Variants in SLC24A3 observed in about 807,000 individuals in gnomAD.
The protein encoded by SLC24A3 is solute carrier family 24 member 3, also known as sodium/potassium/calcium exchanger 3.
Under a neutral mutation model 75.8 loss-of-function variants are expected in SLC24A3, and 28 were observed. The ratio of observed to expected loss-of-function variants is 0.37; its 90% CI spans 0.27 to 0.51. The LOEUF (loss-of-function observed/expected upper bound fraction) is 0.51, where lower values mean the gene tolerates loss of function less well. SLC24A3 is among the 20% of genes least tolerant of loss of function. The pLI is 0.94. For synonymous variants in SLC24A3, 372 were observed against 334.1 expected, an observed-to-expected ratio of 1.11 and a Z score of -1.24; for missense variants, 663 against 847.8, an observed-to-expected ratio of 0.78 and a Z score of 2.71.
chr20:19,577,209 C>G (rs891605661), intron 3 of SLC24A3, among the ~76,000 whole-genome samples: 11 of 152,068 alleles, frequency 7.2e-5, no homozygotes, highest in Non-Finnish European at 1.5e-4. Context: ...AGCCCACCAC[C>G]ACGCGCAGCT....
chr20:19,233,689 C>A lies in SLC24A3; in HGVS notation c.142+20705C>A, dbSNP rs868437632. Among the ~76,000 whole-genome samples the A allele has an allele frequency of 1.1e-4, 16 of 152,316 alleles. No homozygotes were observed. In the South Asian group the frequency reaches 2.9e-3, roughly 28 times the overall value. ...TTTTCTGCTATGAAGGACGGTATAA[C>A]TTCATGATGCTCCTGCATCTTTGTA... On this transcript the variant is annotated intron_variant, in intron 1 of 16. Coordinates refer to ENST00000328041, the MANE Select transcript of SLC24A3 (RefSeq NM_020689.4).
At chr20:19,651,742 T>G (rs1427745811) in intron 6 of SLC24A3, among the ~76,000 whole-genome samples, 1 of 151,146 alleles carries the variant, frequency 6.6e-6, no homozygotes, top group Non-Finnish European at 1.5e-5. Context: ...GCGCCTGTAG[T>G]CCCAACTACT....
chr20:19,242,763 T>C (rs1381303925), intron 1 of SLC24A3, among the ~76,000 whole-genome samples: 3 of 152,114 alleles, frequency 2.0e-5, no homozygotes, highest in Non-Finnish European at 4.4e-5. Flanking sequence ...AATGTGCAAA[T>C]GGAGGCAAAA....
intron 2 of SLC24A3, among the ~76,000 whole-genome samples, chr20:19,496,353 G>A (rs1433893927): frequency 6.6e-6 from 1 of 152,220 alleles, no homozygotes; most frequent in Non-Finnish European, 1.5e-5. Context: ...GGGCTGTGGA[G>A]TGATGTGCAT....
intron 2 of SLC24A3, among the ~76,000 whole-genome samples, chr20:19,482,399 T>C (rs1281711163): frequency 6.6e-6 from 1 of 152,120 alleles, no homozygotes; most frequent in Admixed American, 6.6e-5. Flanking sequence ...CCTACTTTAC[T>C]CCAAATCTGC....
chr20:19,577,455 A>G (rs1453199746), intron 3 of SLC24A3, among the ~76,000 whole-genome samples: 2 of 152,208 alleles, frequency 1.3e-5, no homozygotes, highest in Non-Finnish European at 2.9e-5. Flanking sequence ...CATGCCAAGC[A>G]TCCCAGGCTC....
At chr20:19,439,455 A>G (rs963993047) in intron 2 of SLC24A3, among the ~76,000 whole-genome samples, 4 of 152,226 alleles carry the variant, frequency 2.6e-5, no homozygotes, top group Non-Finnish European at 2.9e-5. Context: ...AAACAAAACC[A>G]CAGATAGATT....
chr20:19,438,994 C>CG (rs754455814), intron 2 of SLC24A3, among the ~76,000 whole-genome samples: 12 of 152,218 alleles, frequency 7.9e-5, no homozygotes, highest in Non-Finnish European at 1.5e-4. Flanking sequence ...AGTGCATACC[C>CG]GGGGGAAGAA....
intron 3 of SLC24A3, among the ~76,000 whole-genome samples, chr20:19,520,688 G>A (rs1403202276): frequency 1.3e-5 from 2 of 151,988 alleles, no homozygotes; most frequent in East Asian, 1.9e-4. Flanking sequence ...CATGGTGAGG[G>A]TGCCCAGGGC....
intron 15 of SLC24A3, among the ~76,000 whole-genome samples, chr20:19,701,422 G>A (rs980618867): frequency 5.9e-5 from 9 of 152,114 alleles, no homozygotes; most frequent in Admixed American, 6.6e-5. Context: ...GCAAAGGGTG[G>A]AGATGGGAGA....
intron 1 of SLC24A3, among the ~76,000 whole-genome samples, chr20:19,243,044 A>G (rs1982377163): frequency 6.6e-6 from 1 of 152,182 alleles, no homozygotes; most frequent in Admixed American, 6.5e-5. Flanking sequence ...AAAATATGTA[A>G]GCAATAATAA....
chr20:19,304,135 G>A (rs775679941), intron 2 of SLC24A3, among the ~76,000 whole-genome samples: 5 of 152,202 alleles, frequency 3.3e-5, no homozygotes, highest in Admixed American at 1.3e-4. Context: ...TAAAAAGACC[G>A]TGATCATATC....
chr20:19,238,851 G>A (rs901152234), intron 1 of SLC24A3, among the ~76,000 whole-genome samples: 1 of 151,988 alleles, frequency 6.6e-6, no homozygotes, highest in African/African-American at 2.4e-5. Context: ...ATGATCATCA[G>A]TATTACTATT....
chr20:19,253,633 A>G (rs6106049), intron 1 of SLC24A3, among the ~76,000 whole-genome samples: 28,918 of 152,080 alleles, frequency 0.19, 4,233 homozygotes, highest in East Asian at 0.82. Context: ...GTGTGAAGTC[A>G]CCCCACTGTT....
chr20:19,230,086 G>C (rs893715751), intron 1 of SLC24A3, among the ~76,000 whole-genome samples: 1 of 149,518 alleles, frequency 6.7e-6, no homozygotes, highest in Non-Finnish European at 1.5e-5. Flanking sequence ...TAGAAGAATA[G>C]TGTTTTACTT....
intron 2 of SLC24A3, among the ~76,000 whole-genome samples, chr20:19,476,947 T>A (rs1324905948): frequency 6.6e-6 from 1 of 152,010 alleles, no homozygotes; most frequent in Non-Finnish European, 1.5e-5. Flanking sequence ...CAAATAATAA[T>A]GCAAGGAAGG....
intron 2 of SLC24A3, among the ~76,000 whole-genome samples, chr20:19,299,223 T>TGTGTGTGTGTGTG (rs1568582808): frequency 3.3e-5 from 5 of 151,414 alleles, no homozygotes; most frequent in South Asian, 2.1e-4. Flanking sequence ...TGTGTGTGTG[T>TGTGTGTGTGTGTG]TTTCATCTTG....
At chr20:19,458,724 C>T (rs76143866) in intron 2 of SLC24A3, among the ~76,000 whole-genome samples, 6,454 of 152,258 alleles carry the variant, frequency 0.042, 452 homozygotes, top group African/African-American at 0.15. Context: ...ATTTTATATA[C>T]ATCCCACATT....
At position 19,697,765 on chromosome 20, in the gene SLC24A3, G is replaced by T. The variant is rs183124854; in HGVS notation, c.1607-803G>T. Among the ~76,000 whole-genome samples the T allele has an allele frequency of 2.6e-5, 4 of 152,318 alleles. No homozygotes were observed. The East Asian group carries it at 7.7e-4, about 29-fold the overall frequency. On this transcript the variant is annotated intron_variant, in intron 14 of 16. Transcript: ENST00000328041. The stretch of plus-strand genomic sequence containing the variant: ...CTATTGTTCAGTTATTCCGAAGAAG[G>T]ACTGGAGACAGTACAGGGCAGTTGG...
Sources: gnomAD v4.1 joint callset for allele counts (sites outside exome capture counted in the v4.1 genomes callset) on GRCh38, gnomAD v4.1.1 for gene constraint, MANE v1.5 for transcripts, NCBI Gene and HGNC (gene_info 2026-07-23, HGNC 2026-07-21) for gene names.